HMCN2: variants seen among roughly 807,000 people sequenced by gnomAD.
HMCN2 encodes the protein hemicentin 2.
In HMCN2, 325 loss-of-function variants were observed where a neutral mutation model predicts 377.5. The ratio of observed to expected loss-of-function variants is 0.86; its 90% CI spans 0.79 to 0.94. The LOEUF (loss-of-function observed/expected upper bound fraction) is 0.94, where lower values mean the gene tolerates loss of function less well. HMCN2 is among the 40% of genes least tolerant of loss of function. The pLI, the probability that HMCN2 is intolerant of heterozygous loss-of-function variation, is 0.00. For missense variants in HMCN2, 4,543 were observed against 4,725.3 expected (o/e 0.96, Z 1.13); for synonymous variants, 2,007 against 2,046.8 (o/e 0.98, Z 0.53).
intron 1 of HMCN2, among the ~76,000 whole-genome samples, chr9:130,267,417 A>G (rs1310544176): frequency 8.5e-6 from 1 of 117,140 alleles, no homozygotes; most frequent in Non-Finnish European, 1.8e-5. Context: ...CAAACAAACA[A>G]ACAACCCCCC....
chr9:130,432,706 G>C lies in HMCN2; in HGVS notation c.14894+151G>C, dbSNP rs180712155. On this transcript the variant is annotated intron_variant, in intron 97 of 97. Coordinates refer to ENST00000683500, the MANE Select transcript of HMCN2 (RefSeq NM_001291815.2). ...CCTGGGGGCAGGGAGAGGCCAGAGTGGGAGAGAACGGGGACACAGGAGCAC... is the reference window on the plus strand; with the variant it reads ...CCTGGGGGCAGGGAGAGGCCAGAGTCGGAGAGAACGGGGACACAGGAGCAC... 1,704 of 763,852 alleles carry C rather than the reference G, an allele frequency of 2.2e-3. 37 individuals carry two copies. The Admixed American group carries it at 0.037, about 17-fold the overall frequency. The allele number at this position is 763,852 out of a possible 1,614,324, so 47.3% of individuals were successfully genotyped here.
chr9:130,291,509 C>T (rs1296960546), intron 4 of HMCN2, among the ~76,000 whole-genome samples: 4 of 152,128 alleles, frequency 2.6e-5, no homozygotes, highest in South Asian at 2.1e-4. Flanking sequence ...AGTGCCCGGT[C>T]GCATACTTGT....
chr9:130,332,147 T>C (rs1400587596), intron 22 of HMCN2, among the ~76,000 whole-genome samples: 1 of 152,186 alleles, frequency 6.6e-6, no homozygotes, highest in Admixed American at 6.5e-5. Flanking sequence ...ATGGGGACTG[T>C]ACCTTGGTGG....
At chr9:130,281,811 A>G (rs559068565) in intron 1 of HMCN2, among the ~76,000 whole-genome samples, 1 of 146,012 alleles carries the variant, frequency 6.8e-6, no homozygotes, top group East Asian at 2.1e-4. Flanking sequence ...AATCACCTGA[A>G]CCCAGGAGGC....
chr9:130,343,528 C>CCCCCGACCCT (rs1286366613), intron 25 of HMCN2, among the ~76,000 whole-genome samples: 1 of 152,176 alleles, frequency 6.6e-6, no homozygotes, highest in African/African-American at 2.4e-5. Flanking sequence ...CCCACCTGGC[C>CCCCCGACCCT]CCCCGACCCT....
At chr9:130,348,473 C>T in intron 26 of HMCN2, 72 bp from the exon 27 acceptor site, 2 of 1,273,414 alleles carry the variant, frequency 1.6e-6, no homozygotes, top group South Asian at 1.3e-5. Flanking sequence ...AGGGAATGGC[C>T]CAGATGAGGT....
In HMCN2 at chr9:130,433,834, G is replaced by A. The variant is rs1261201265; in HGVS notation, c.*141G>A. 1.4e-5 allele frequency: 10 copies of A among 698,680 alleles called. No homozygotes were observed. Among genetic ancestry groups the A allele is most frequent in the Middle Eastern group, 3.0e-4 (1 of 3,308 alleles). The allele number at this position is 698,680 out of a possible 1,614,324, so 43.3% of individuals were successfully genotyped here. On this transcript the variant is annotated 3_prime_UTR_variant, in exon 98 of 98. Coordinates refer to ENST00000683500, the MANE Select transcript of HMCN2 (RefSeq NM_001291815.2). Reference sequence around the variant, plus strand: ...CGTCAGCGAGACCTTGGGTCAACACGACCCTGCGCACAGCCTTGACCCCCG... The same window carrying A: ...CGTCAGCGAGACCTTGGGTCAACACAACCCTGCGCACAGCCTTGACCCCCG...
Position 130,418,796 on chromosome 9 carries a change from C to G in HMCN2, c.12986C>G (p.Pro4329Arg). ...GGTGCTCCGGTGTTCCAGGTGGAGC[C>G]CCAGGACATGACAGTGAGATCTGGG... is the stretch of plus-strand genomic sequence containing the variant. ...LQSAPVFQVEPQDMTVRSGDD... is the reference protein window; with the variant it reads ...LQSAPVFQVERQDMTVRSGDD... The change falls in exon 86 of 98, where the codon CCC becomes CGC. Residue 4329 changes from proline (P) to arginine (R), a missense_variant. Physicochemically the swap from Pro to Arg is moderately radical, Grantham distance 103. This residue lies in a region of HMCN2 where 1,155 missense variants were observed against 1,157.7 expected (regional missense o/e 1.00). Coordinates refer to ENST00000683500, the MANE Select transcript of HMCN2 (RefSeq NM_001291815.2). The G allele has an allele frequency of 2.0e-6, 3 of 1,467,842 alleles. No individual in the cohort carries two copies. The highest frequency in any genetic ancestry group is 2.7e-6 in the Non-Finnish European group (3 of 1,100,980). 90.9% of individuals were successfully genotyped at this position (1,467,842 alleles called of 1,614,324 possible).
chr9:130,319,719 G>C (rs1837748451), intron 16 of HMCN2, 24 bp downstream of exon 16: 1 of 152,206 alleles, frequency 6.6e-6, no homozygotes, highest in African/African-American at 2.4e-5. Context: ...GCTGGTGGGG[G>C]GTGGGCAGGG....
chr9:130,403,031 T>C, intron 78 of HMCN2, 135 bp downstream of exon 78: 2 of 1,018,638 alleles, frequency 2.0e-6, no homozygotes, highest in Non-Finnish European at 2.6e-6. Flanking sequence ...TGGGATTCTT[T>C]GGCAGGAAAA....
intron 15 of HMCN2, among the ~76,000 whole-genome samples, chr9:130,315,919 C>A (rs891389244): frequency 0.75 from 113,456 of 152,064 alleles, 43,431 homozygotes; most frequent in Non-Finnish European, 0.84. Flanking sequence ...ACCCAACCTC[C>A]ATCACCTCTC....
intron 82 of HMCN2, 49 bp from the exon 83 acceptor site, chr9:130,407,522 T>C (rs1245742189): frequency 2.4e-6 from 3 of 1,273,518 alleles, no homozygotes; most frequent in South Asian, 1.3e-5. Context: ...ACCAGGGAAG[T>C]GTTTAGGGCA....
At chr9:130,380,887 C>T (rs964766724) in intron 54 of HMCN2, among the ~76,000 whole-genome samples, 2 of 152,054 alleles carry the variant, frequency 1.3e-5, no homozygotes, top group Non-Finnish European at 1.5e-5. Context: ...CTGGACAGAC[C>T]CCTTAACCTG....
At chr9:130,324,046 C>T (rs965012621) in intron 19 of HMCN2, among the ~76,000 whole-genome samples, 5 of 152,204 alleles carry the variant, frequency 3.3e-5, no homozygotes, top group African/African-American at 4.8e-5. Flanking sequence ...TAACGTGTAT[C>T]ATTTGACGAT....
At chr9:130,292,977 T>TCTATCTATCTATCTAC (rs1554930541) in intron 4 of HMCN2, among the ~76,000 whole-genome samples, 11 of 141,832 alleles carry the variant, frequency 7.8e-5, no homozygotes, top group East Asian at 7.1e-4. Flanking sequence ...TATCTATCTA[T>TCTATCTATCTATCTAC]CTATCTATCT....
rs773916457 is a variant in HMCN2, at chr9:130,354,832, C to T, written c.4934C>T (p.Ala1645Val). 69 of 1,304,094 alleles carry T rather than the reference C, an allele frequency of 5.3e-5. No homozygotes were observed. The highest frequency in any genetic ancestry group is 1.7e-4 in the East Asian group (3 of 18,032). The allele number at this position is 1,304,094 out of a possible 1,614,324, so 80.8% of individuals were successfully genotyped here. A position where few individuals can be genotyped will look rare whatever the true frequency, so the allele number is the denominator to read the frequency against. The change falls in exon 32 of 98, where the codon GCG becomes GTG. Residue 1645 changes from alanine (A) to valine (V), a missense_variant. By Grantham distance (64) the Ala-to-Val change is moderately conservative. Coordinates refer to ENST00000683500, the MANE Select transcript of HMCN2 (RefSeq NM_001291815.2). ...VVKAVAGRPV[A>V]LECVARGHPS... is the part of the protein sequence containing the mutation. ...AAGGCTGTGGCTGGGAGGCCTGTGG[C>T]GCTGGAGTGCGTGGCCAGAGGCCAC... is the stretch of plus-strand genomic sequence containing the variant.
chr9:130,375,523 G>A, intron 49 of HMCN2, 40 bp from the exon 50 acceptor site: 1 of 982,078 alleles, frequency 1.0e-6, no homozygotes, highest in Non-Finnish European at 1.2e-6. Context: ...TAGGGTCAGG[G>A]ATCTCTGCTC....
rs183296970 is a variant in HMCN2 at position 130,368,695 on chromosome 9, C to T, written c.6787+258C>T. Among the ~76,000 whole-genome samples the T allele has an allele frequency of 8.2e-4, 125 of 152,042 alleles. 2 individuals carry two copies. The highest frequency in any genetic ancestry group is 2.1e-3 in the African/African-American group (89 of 41,444). On this transcript the variant is annotated intron_variant, in intron 44 of 97. Transcript: ENST00000683500. ...GGCCTCAGGAAACTCACAATCATGG[C>T]GGAAGATGAAGGGGAAGCAAGGCAC...
At position 130,395,305 on chromosome 9, in the gene HMCN2, A is replaced by C. The variant is rs1179418310; in HGVS notation, c.10869A>C (p.Pro3623=). ...LVLECSVEAE[P]APKITWHRDG... ...TGGAGTGTTCGGTGGAGGCAGAGCCAGCGCCCAAGATCACGTGGCACCGAG... is the reference window on the plus strand; with the variant it reads ...TGGAGTGTTCGGTGGAGGCAGAGCCCGCGCCCAAGATCACGTGGCACCGAG... Residue 3623 remains proline, a synonymous_variant, in exon 71 of 98, where the codon CCA becomes CCC. Transcript: ENST00000683500. The C allele has an allele frequency of 1.0e-5, 13 of 1,289,352 alleles. No homozygotes were observed. In the Admixed American group the frequency reaches 3.0e-4, roughly 30 times the overall value. 79.9% of individuals were successfully genotyped at this position (1,289,352 alleles called of 1,614,324 possible).
Sources: allele counts gnomAD v4.1 joint callset (sites outside exome capture counted in the v4.1 genomes callset), GRCh38; gene constraint gnomAD v4.1.1; regional missense constraint gnomAD v4.1.1; transcripts MANE v1.5; gene names NCBI Gene and HGNC (gene_info 2026-07-23, HGNC 2026-07-21).